ADH7: variants seen among roughly 807,000 people sequenced by gnomAD.
ADH7 encodes the protein alcohol dehydrogenase 7 (class IV), mu or sigma polypeptide.
A neutral mutation model predicts 34.4 loss-of-function variants in ADH7; 41 were observed. That is an observed-to-expected ratio of 1.19 (90% CI 0.93 to 1.55). The LOEUF (loss-of-function observed/expected upper bound fraction) is 1.55. Among genes scored for constraint, ADH7 ranks in the 40% most tolerant of loss-of-function variants. The pLI, the probability that ADH7 is intolerant of heterozygous loss-of-function variation, is 0.00. For synonymous variants in ADH7, 180 were observed against 160.9 expected (o/e 1.12, Z -0.90); for missense variants, 540 against 461.2 (o/e 1.17, Z -1.56).
chr4:99,435,123 A>G (rs1201418238), intron 1 of ADH7, 93 bp downstream of exon 1: 1 of 1,557,624 alleles, frequency 6.4e-7, no homozygotes, highest in Admixed American at 1.9e-5. Flanking sequence ...GAATATCTCC[A>G]AGTGTTTAAT....
intron 7 of ADH7, among the ~76,000 whole-genome samples, chr4:99,416,332 C>T (rs185932526): frequency 1.1e-4 from 16 of 152,206 alleles, no homozygotes; most frequent in African/African-American, 2.2e-4. Context: ...ACTCTGATTA[C>T]GCTCTTGCCC....
At chr4:99,416,169 A>G (rs1352363347) in intron 7 of ADH7, among the ~76,000 whole-genome samples, 2 of 152,102 alleles carry the variant, frequency 1.3e-5, no homozygotes, top group African/African-American at 4.8e-5. Context: ...AAAGAAACAA[A>G]GGTTAAAAAA....
intron 8 of ADH7, 104 bp downstream of exon 8, chr4:99,415,374 A>T: frequency 8.3e-7 from 1 of 1,212,036 alleles, no homozygotes; most frequent in Non-Finnish European, 1.2e-6. Flanking sequence ...TGGCTAGATT[A>T]AATAATTAGA....
In ADH7 at chr4:99,420,673, AT is replaced by A; in HGVS notation, c.684del (p.Lys228AsnfsTer8). 1.9e-6 allele frequency: 3 copies of A among 1,613,814 alleles called. No individual in the cohort carries two copies. Among genetic ancestry groups the A allele is most frequent in the South Asian group, 2.2e-5 (2 of 91,072 alleles). ...GCACCTACAGCCATGGCCTTCTCAAATTTGTCTTTGTTGAGGTCAATCCCAA... is the reference window on the plus strand; with the variant it reads ...GCACCTACAGCCATGGCCTTCTCAAATTGTCTTTGTTGAGGTCAATCCCAA... ...RIIGIDLNKD[K>X]FEKAMAVGAT... On this transcript the variant is annotated frameshift_variant, in exon 6 of 9. Coordinates refer to ENST00000437033, the MANE Select transcript of ADH7 (RefSeq NM_000673.7). LOFTEE classifies it high-confidence loss of function.
intron 5 of ADH7, among the ~76,000 whole-genome samples, chr4:99,425,264 T>C (rs1370388376): frequency 1.3e-5 from 2 of 152,078 alleles, no homozygotes; most frequent in Non-Finnish European, 2.9e-5. Flanking sequence ...CACAGACTGG[T>C]AAATTCGATA....
intron 1 of ADH7, 119 bp downstream of exon 1, chr4:99,435,097 C>G (rs1275427966): frequency 1.3e-6 from 2 of 1,550,702 alleles, no homozygotes; most frequent in Non-Finnish European, 1.7e-6. Flanking sequence ...GCTCACCAAG[C>G]ATTTCATTCC....
At position 99,416,019 on chromosome 4, in the gene ADH7, G is replaced by A. The variant is rs145995962; in HGVS notation, c.962-403C>T. ...GAGAGCATTAAGACAAATACCTAAT[G>A]CATGCGGGGCTTAAAACCTAGATGA... On this transcript the variant is annotated intron_variant, in intron 7 of 8. Transcript: ENST00000437033. 1,062 of 158,854 alleles carry A rather than the reference G, an allele frequency of 6.7e-3. 16 individuals carry two copies. The highest frequency in any genetic ancestry group is 0.023 in the African/African-American group (962 of 41,568). The allele number at this position is 158,854 out of a possible 1,614,324, so 9.8% of individuals were successfully genotyped here.
At chr4:99,415,306 A>G (rs750279870) in intron 8 of ADH7, 172 bp downstream of exon 8, 15 of 680,844 alleles carry the variant, frequency 2.2e-5, no homozygotes, top group Non-Finnish European at 3.4e-5. Flanking sequence ...TTTTTTTTAT[A>G]GTAGTATGAA....
intron 5 of ADH7, among the ~76,000 whole-genome samples, chr4:99,421,182 C>A (rs1380257797): frequency 6.6e-6 from 1 of 151,924 alleles, no homozygotes; most frequent in East Asian, 1.9e-4. Context: ...AAAAAGAGCC[C>A]ATATAGCCAA....
chr4:99,418,216 A>G (rs1187123154), intron 7 of ADH7, among the ~76,000 whole-genome samples: 1 of 152,146 alleles, frequency 6.6e-6, no homozygotes, highest in Admixed American at 6.6e-5. Context: ...TTATTTTTAT[A>G]TTCTTTCTTT....
At chr4:99,424,307 T>A (rs1682278075) in intron 5 of ADH7, among the ~76,000 whole-genome samples, 8 of 152,242 alleles carry the variant, frequency 5.3e-5, no homozygotes. Flanking sequence ...TGAAGTCACA[T>A]AGCGTGATGC....
At chr4:99,435,012 C>T (rs1440726904) in intron 1 of ADH7, 2 of 1,507,362 alleles carry the variant, frequency 1.3e-6, no homozygotes, top group East Asian at 2.5e-5. Flanking sequence ...ATTGGATATA[C>T]TATTTCCAAC....
intron 8 of ADH7, among the ~76,000 whole-genome samples, chr4:99,414,829 C>T (rs985253461): frequency 8.5e-5 from 13 of 152,170 alleles, no homozygotes; most frequent in Admixed American, 4.6e-4. Flanking sequence ...TTGTGGCTTA[C>T]TTGAAATAAA....
chr4:99,413,220 A>C lies in ADH7; in HGVS notation c.1101-48T>G, dbSNP rs764294588. The stretch of plus-strand genomic sequence containing the variant: ...TTAATGACTTGTTTTCATATCTTTC[A>C]AGAAAGGATAGTTTAAACAATTGTC... On this transcript the variant is annotated intron_variant, in intron 8 of 8. Transcript: ENST00000437033. 8 of 1,595,166 alleles carry C rather than the reference A, an allele frequency of 5.0e-6. No individual in the cohort carries two copies. In the African/African-American group the frequency reaches 1.1e-4, roughly 21 times the overall value.
intron 7 of ADH7, 45 bp downstream of exon 7, chr4:99,418,941 G>T: frequency 6.2e-7 from 1 of 1,605,804 alleles, no homozygotes; most frequent in South Asian, 1.1e-5. Flanking sequence ...CCAAGCACCA[G>T]AGTGAAAGCC....
In ADH7 at chr4:99,427,829, A is replaced by C. The variant is rs766315377; in HGVS notation, c.508T>G (p.Cys170Gly). Residue 170 changes from cysteine to glycine, a missense_variant, in exon 5 of 9, where the codon TGT becomes GGT. Physicochemically the swap from Cys to Gly is radical, Grantham distance 159 (BLOSUM62 -3). Transcript: ENST00000437033. ...GTGGAAAACCCACAGCCAATTAAAC[A>C]GACTTTCTCAGGAGGAGCTGCATCA... ...IDDAAPPEKV[C>G]LIGCGFSTGY... The C allele has an allele frequency of 3.7e-6, 6 of 1,609,990 alleles. No individual in the cohort carries two copies. The highest frequency in any genetic ancestry group is 5.1e-6 in the Non-Finnish European group (6 of 1,177,616).
At chr4:99,416,909 T>G (rs1178493132) in intron 7 of ADH7, among the ~76,000 whole-genome samples, 2 of 152,166 alleles carry the variant, frequency 1.3e-5, no homozygotes, top group Non-Finnish European at 2.9e-5. Flanking sequence ...TCTCAATAAA[T>G]GATGATGGTG....
intron 6 of ADH7, 124 bp downstream of exon 6, chr4:99,420,409 T>A: frequency 1.7e-6 from 2 of 1,181,230 alleles, no homozygotes; most frequent in Non-Finnish European, 2.4e-6. Flanking sequence ...TTTGCCTGAG[T>A]AAAACTGACT....
rs557620803 is a variant in ADH7, at chr4:99,427,992, G to C, written c.348-3C>G. 3.7e-6 allele frequency: 6 copies of C among 1,613,698 alleles called. No individual in the cohort carries two copies. In the African/African-American group the frequency reaches 6.7e-5, roughly 18 times the overall value. On this transcript the variant is annotated splice_region_variant and splice_polypyrimidine_tract_variant and intron_variant, in intron 4 of 8. Coordinates refer to ENST00000437033, the MANE Select transcript of ADH7 (RefSeq NM_000673.7). ...CCAGTACTCCACGACCAGTAATACT[G>C]TTTGATACATCAAATACACGTATTA...
Sources: allele counts gnomAD v4.1 joint callset (sites outside exome capture counted in the v4.1 genomes callset), GRCh38; gene constraint gnomAD v4.1.1; transcripts MANE v1.5; gene names NCBI Gene and HGNC (gene_info 2026-07-23, HGNC 2026-07-21).